Variants in BLM observed in about 807,000 individuals in gnomAD.
BLM encodes the protein recQ-like DNA helicase BLM.
Under a neutral mutation model 135.3 loss-of-function variants are expected in BLM, and 95 were observed. The ratio of observed to expected loss-of-function variants is 0.70; its 90% confidence interval spans 0.59 to 0.83. BLM has a LOEUF of 0.83. Ranked by LOEUF, BLM falls within the 40% of genes least tolerant of loss-of-function variation. BLM has a pLI of 0.00. For missense variants in BLM, 1,518 were observed against 1,663.9 expected (o/e 0.91, Z 1.53); for synonymous variants, 520 against 589.2 (o/e 0.88, Z 1.70).
At chr15:90,746,739 C>T (rs1895511197) in intron 1 of BLM, among the ~76,000 whole-genome samples, 1 of 152,146 alleles carries the variant, frequency 6.6e-6, no homozygotes, top group Non-Finnish European at 1.5e-5. Flanking sequence ...CTAGGATCTT[C>T]CTTTAGCCCC....
intron 1 of BLM, among the ~76,000 whole-genome samples, chr15:90,732,529 A>G (rs1014048724): frequency 6.6e-6 from 1 of 151,928 alleles, no homozygotes; most frequent in Non-Finnish European, 1.5e-5. Context: ...TAAGGAAAAC[A>G]GAAACTGAAA....
chr15:90,784,011 C>T (rs1445194760), intron 13 of BLM, among the ~76,000 whole-genome samples: 1 of 152,072 alleles, frequency 6.6e-6, no homozygotes, highest in African/African-American at 2.4e-5. Flanking sequence ...GCATTTTTTT[C>T]TACTAGCATA....
At chr15:90,756,301 C>T (rs1426879714) in intron 5 of BLM, among the ~76,000 whole-genome samples, 1 of 152,088 alleles carries the variant, frequency 6.6e-6, no homozygotes, top group Non-Finnish European at 1.5e-5. Context: ...GACAGGGTTT[C>T]ACCATTTTAG....
intron 10 of BLM, among the ~76,000 whole-genome samples, chr15:90,768,878 C>A (rs1020246586): frequency 1.3e-5 from 2 of 152,158 alleles, no homozygotes; most frequent in South Asian, 2.1e-4. Context: ...AGGCATGCAC[C>A]ACCACGCCCG....
At position 90,732,051 on chromosome 15, in the gene BLM, AG is replaced by A. The variant is rs772361009; in HGVS notation, c.-5+14612del. 5.6e-4 allele frequency among the ~76,000 whole-genome samples: 85 copies of A among 152,058 alleles called. 1 individual carries two copies. Among genetic ancestry groups the A allele is most frequent in the South Asian group, 4.4e-3 (21 of 4,814 alleles). On this transcript the variant is annotated intron_variant, in intron 1 of 21. Transcript: ENST00000355112. ...CTATTTTCATCAGGCTTATTTTTTC[AG>A]TTTCTTTTCTAATAATTAGGGTCAT...
chr15:90,738,102 T>C (rs1046047969), intron 1 of BLM, among the ~76,000 whole-genome samples: 1 of 150,956 alleles, frequency 6.6e-6, no homozygotes, highest in Non-Finnish European at 1.5e-5. Context: ...CAAGACAGAA[T>C]CATGAAGAAA....
At chr15:90,766,423 TTTTTG>T (rs879522725) in intron 9 of BLM, among the ~76,000 whole-genome samples, 1 of 152,120 alleles carries the variant, frequency 6.6e-6, no homozygotes, top group Non-Finnish European at 1.5e-5. Context: ...GTTATGCTTT[TTTTTG>T]TTTTGTTTTG....
intron 1 of BLM, among the ~76,000 whole-genome samples, chr15:90,738,205 A>T (rs1895268474): frequency 6.6e-6 from 1 of 152,228 alleles, no homozygotes; most frequent in South Asian, 2.1e-4. Context: ...AGATGGCCTC[A>T]CTGGTCATTT....
At chr15:90,731,931 C>A (rs925236886) in intron 1 of BLM, among the ~76,000 whole-genome samples, 2 of 152,102 alleles carry the variant, frequency 1.3e-5, no homozygotes, top group Non-Finnish European at 2.9e-5. Flanking sequence ...AACTCCTGGC[C>A]TCAAGTGATC....
chr15:90,721,670 C>T (rs1894769886), intron 1 of BLM, among the ~76,000 whole-genome samples: 1 of 151,942 alleles, frequency 6.6e-6, no homozygotes, highest in Admixed American at 6.5e-5. Context: ...CAGTGGCTCG[C>T]GCCTGTAATC....
intron 16 of BLM, among the ~76,000 whole-genome samples, chr15:90,797,349 G>A (rs1019158646): frequency 6.0e-5 from 9 of 150,012 alleles, no homozygotes; most frequent in African/African-American, 2.0e-4. Flanking sequence ...CTGGGAGGTG[G>A]AGGTTGCAGG....
In BLM at chr15:90,769,154, A is replaced by T. The variant is rs764097842; in HGVS notation, c.2329A>T (p.Ile777Phe). 1 of 1,613,016 alleles carries T rather than the reference A, an allele frequency of 6.2e-7. No individual in the cohort carries two copies. ...CTAGATCTGTGCAAGTAACAGACTC[A>T]TTTCTACTCTGGAGAATCTCTATGA... Reference protein sequence around the residue: ...PEKICASNRLISTLENLYERK... With the variant: ...PEKICASNRLFSTLENLYERK... Residue 777 changes from isoleucine (I) to phenylalanine (F), a missense_variant, in exon 11 of 22, where the codon ATT becomes TTT. Transcript: ENST00000355112.
In BLM at chr15:90,790,886, C is replaced by A. The variant is rs767477061; in HGVS notation, c.3019+42C>A. On this transcript the variant is annotated intron_variant, in intron 15 of 21. Coordinates refer to ENST00000355112, the MANE Select transcript of BLM (RefSeq NM_000057.4). Reference sequence around the variant, plus strand: ...TGTAGAGACATTCTGTCATCTTCAGCCTCATGATAGTAGTCTACTCCTGCT... The same window carrying A: ...TGTAGAGACATTCTGTCATCTTCAGACTCATGATAGTAGTCTACTCCTGCT... 1.9e-6 allele frequency: 3 copies of A among 1,567,382 alleles called. No individual in the cohort carries two copies. The Admixed American group carries it at 5.0e-5, about 26-fold the overall frequency.
At chr15:90,771,695 C>G (rs1222089798) in intron 12 of BLM, among the ~76,000 whole-genome samples, 1 of 150,988 alleles carries the variant, frequency 6.6e-6, no homozygotes, top group African/African-American at 2.4e-5. Flanking sequence ...CCCATCTCAG[C>G]CTTCCTAAGT....
chr15:90,751,667 T>C lies in BLM; in HGVS notation c.800-120T>C, dbSNP rs7183841. On this transcript the variant is annotated intron_variant, in intron 3 of 21. Coordinates refer to ENST00000355112, the MANE Select transcript of BLM (RefSeq NM_000057.4). The stretch of plus-strand genomic sequence containing the variant: ...TTAGCATGTAAAGGGAGAGGATCCA[T>C]ACAAAGTGGTGTGATTGTTTGTGAC... The C allele has an allele frequency of 0.18, 146,430 of 797,304 alleles. 14,540 individuals are homozygous for C. Among genetic ancestry groups the C allele is most frequent in the African/African-American group, 0.27 (15,970 of 58,604 alleles). 49.4% of individuals were successfully genotyped at this position (797,304 alleles called of 1,614,324 possible).
intron 21 of BLM, among the ~76,000 whole-genome samples, chr15:90,812,159 A>G (rs1214687937): frequency 6.6e-6 from 1 of 152,086 alleles, no homozygotes; most frequent in African/African-American, 2.4e-5. Flanking sequence ...CGCTGCTTTT[A>G]TTGCTGCAGA....
chr15:90,789,987 G>GTTTTTTT (rs61059865), intron 14 of BLM, among the ~76,000 whole-genome samples: 14 of 57,376 alleles, frequency 2.4e-4, no homozygotes, highest in African/African-American at 6.9e-4. Flanking sequence ...AGTCCCTGGT[G>GTTTTTTT]TTTTTTTTTT....
rs1385248707 is a variant in BLM, at chr15:90,760,941, A to T, written c.1568A>T (p.Asn523Ile). The T allele has an allele frequency of 1.9e-6, 3 of 1,614,000 alleles. No homozygotes were observed. The African/African-American group carries it at 4.0e-5, about 22-fold the overall frequency. The stretch of plus-strand genomic sequence containing the variant: ...AATGAAAGCTCTTATTTCCCAGGAA[A>T]TGTTCTCACAAGCACTGCTGTGAAA... ...KKNESSYFPG[N>I]VLTSTAVKDQ... Residue 523 changes from asparagine to isoleucine, a missense_variant, in exon 7 of 22, where the codon AAT (asparagine) becomes ATT (isoleucine). Coordinates refer to ENST00000355112, the MANE Select transcript of BLM (RefSeq NM_000057.4).
chr15:90,804,119 A>C, intron 18 of BLM, 48 bp from the exon 19 acceptor site: 3 of 1,525,732 alleles, frequency 2.0e-6, no homozygotes, highest in Non-Finnish European at 2.7e-6. Context: ...CTGTATGGGT[A>C]CAAGTGCACA....
Sources: allele counts gnomAD v4.1 joint callset (sites outside exome capture counted in the v4.1 genomes callset), GRCh38; gene constraint gnomAD v4.1.1; transcripts MANE v1.5; gene names NCBI Gene and HGNC (gene_info 2026-07-23, HGNC 2026-07-21).